The following CACNA1D variants were observed in gnomAD, a reference collection of about 807,000 sequenced individuals.
CACNA1D encodes the protein calcium voltage-gated channel subunit alpha1 D, also known as voltage-dependent L-type calcium channel subunit alpha-1D.
CACNA1D carries 55 observed loss-of-function variants against 257.1 expected under a neutral mutation model. The ratio of observed to expected loss-of-function variants is 0.21; its 90% CI spans 0.17 to 0.27. The LOEUF (loss-of-function observed/expected upper bound fraction) is 0.27. CACNA1D is among the 10% of genes least tolerant of loss of function. The probability of loss-of-function intolerance (pLI) is 1.00; values close to 1 mark genes in which losing one functional copy is unlikely to be tolerated. For synonymous variants in CACNA1D, 980 were observed against 1,014.9 expected (o/e 0.97, Z 0.65); for missense variants, 1,876 against 2,784.0 (o/e 0.67, Z 7.34).
intron 43 of CACNA1D, among the ~76,000 whole-genome samples, chr3:53,803,081 T>G (rs2095544164): frequency 6.6e-6 from 1 of 152,162 alleles, no homozygotes; most frequent in African/African-American, 2.4e-5. Context: ...GCAGATGCCC[T>G]GGGAACCCAG....
chr3:53,811,244 T>C lies in CACNA1D; in HGVS notation c.6324T>C (p.Asn2108=). Residue 2108 remains asparagine, a synonymous_variant, in exon 48 of 48, where the codon AAT becomes AAC. Coordinates refer to ENST00000350061, the MANE Select transcript of CACNA1D (RefSeq NM_001128840.3). This position sits in a 1 kb window ranked among gnomAD's most constrained non-coding sequence, Gnocchi z 4.2. ...EMESAASTLL[N]GNVRPRANGD... is the part of the protein sequence containing the mutation. ...AGAGTGCAGCCAGCACCCTGCTTAA[T>C]GGGAACGTGCGTCCCCGAGCCAACG... The C allele has an allele frequency of 6.2e-7, 1 of 1,614,040 alleles. No homozygotes were observed.
At chr3:53,527,081 T>A (rs1359067665) in intron 3 of CACNA1D, among the ~76,000 whole-genome samples, 1 of 152,236 alleles carries the variant, frequency 6.6e-6, no homozygotes, top group East Asian at 1.9e-4. Flanking sequence ...CACCAAGTAC[T>A]TTCGTGTCCA....
chr3:53,499,248 T>C (rs1033276716), intron 2 of CACNA1D, among the ~76,000 whole-genome samples: 1 of 152,190 alleles, frequency 6.6e-6, no homozygotes, highest in African/African-American at 2.4e-5. Flanking sequence ...GGCTGCCAAT[T>C]CAGGGAGAAG....
chr3:53,539,430 C>T (rs1022253537), intron 3 of CACNA1D, among the ~76,000 whole-genome samples: 1 of 152,068 alleles, frequency 6.6e-6, no homozygotes. Context: ...TTATATCTTG[C>T]TTCTTTCATT....
intron 8 of CACNA1D, among the ~76,000 whole-genome samples, chr3:53,701,462 C>G (rs1576396461): frequency 6.6e-6 from 1 of 152,112 alleles, no homozygotes; most frequent in South Asian, 2.1e-4. Flanking sequence ...AGGTCACTTC[C>G]CCATTCGTGG....
At chr3:53,691,203 G>T (rs537688620) in intron 8 of CACNA1D, among the ~76,000 whole-genome samples, 1 of 150,592 alleles carries the variant, frequency 6.6e-6, no homozygotes, top group Non-Finnish European at 1.5e-5. Context: ...ACAATGGCGC[G>T]ATCTCAGCTC....
chr3:53,512,818 G>T (rs796319956), intron 3 of CACNA1D, among the ~76,000 whole-genome samples: 1 of 152,304 alleles, frequency 6.6e-6, no homozygotes, highest in South Asian at 2.1e-4. Context: ...TGTAGTATTA[G>T]GTCGGTGCAA....
chr3:53,672,424 T>C (rs2094331502), intron 7 of CACNA1D, among the ~76,000 whole-genome samples: 1 of 152,206 alleles, frequency 6.6e-6, no homozygotes, highest in African/African-American at 2.4e-5. Flanking sequence ...TTGCAGATAA[T>C]CCAGATCTAA....
intron 46 of CACNA1D, chr3:53,809,630 G>A (rs538753250): frequency 1.7e-5 from 6 of 356,578 alleles, no homozygotes; most frequent in African/African-American, 1.0e-4. Flanking sequence ...AATGTACTTC[G>A]GTATTTAAAC....
At chr3:53,590,081 C>G (rs1380797868) in intron 3 of CACNA1D, among the ~76,000 whole-genome samples, 1 of 152,244 alleles carries the variant, frequency 6.6e-6, no homozygotes, top group Non-Finnish European at 1.5e-5. Flanking sequence ...TTCATCACTT[C>G]TGTGCAGGAC....
chr3:53,631,226 G>T (rs2093819792), intron 3 of CACNA1D, among the ~76,000 whole-genome samples: 1 of 152,200 alleles, frequency 6.6e-6, no homozygotes, highest in Non-Finnish European at 1.5e-5. Context: ...CAAAATTGGA[G>T]TCAATCCTCT....
At chr3:53,548,605 T>G (rs1410581879) in intron 3 of CACNA1D, among the ~76,000 whole-genome samples, 1 of 152,088 alleles carries the variant, frequency 6.6e-6, no homozygotes, top group African/African-American at 2.4e-5. Flanking sequence ...TCTTCTTTCT[T>G]TTCCTGTCCC....
Position 53,516,156 on chromosome 3 carries a change from A to G in CACNA1D, c.483+14436A>G, listed in dbSNP as rs2091324815. Among the ~76,000 whole-genome samples the G allele has an allele frequency of 2.6e-5, 4 of 152,212 alleles. No homozygotes were observed. In the South Asian group the frequency reaches 8.3e-4, roughly 32 times the overall value. On this transcript the variant is annotated intron_variant, in intron 3 of 47. Coordinates refer to ENST00000350061, the MANE Select transcript of CACNA1D (RefSeq NM_001128840.3). ...ACAAATAATGTGCGAGGGAGCTCTC[A>G]TTTACCAGAAGGCATTAGTTAACTG... is the stretch of plus-strand genomic sequence containing the variant.
chr3:53,554,346 A>G (rs2092598935), intron 3 of CACNA1D, among the ~76,000 whole-genome samples: 1 of 152,220 alleles, frequency 6.6e-6, no homozygotes, highest in South Asian at 2.1e-4. Flanking sequence ...ACAAAAATAG[A>G]AATTGTGTCA....
chr3:53,677,066 A>C (rs1455698175), intron 8 of CACNA1D, among the ~76,000 whole-genome samples: 1 of 152,184 alleles, frequency 6.6e-6, no homozygotes, highest in Non-Finnish European at 1.5e-5. Context: ...TTCACTTTTC[A>C]AATTGTTAAT....
chr3:53,750,666 C>G (rs3821862), intron 27 of CACNA1D, among the ~76,000 whole-genome samples: 1 of 152,170 alleles, frequency 6.6e-6, no homozygotes, highest in Non-Finnish European at 1.5e-5. Flanking sequence ...CAAGGCCAGG[C>G]CAGCCACGCA....
chr3:53,802,684 A>C (rs2095542257), intron 43 of CACNA1D, among the ~76,000 whole-genome samples: 1 of 152,232 alleles, frequency 6.6e-6, no homozygotes, highest in Non-Finnish European at 1.5e-5. Context: ...TTGGGGGCCA[A>C]GGGAGGATGG....
intron 8 of CACNA1D, among the ~76,000 whole-genome samples, chr3:53,701,933 G>A (rs2094629692): frequency 6.6e-6 from 1 of 152,176 alleles, no homozygotes. Flanking sequence ...CCTCCTGCAG[G>A]GAAGACTTTT....
Position 53,718,403 on chromosome 3 carries a change from C to A in CACNA1D, c.1478+15C>A. ...GGAAGTCTCTGGTGAGTGTGGGGAG[C>A]ACTTGCCCTCTTTCCCCTCCTGTTG... On this transcript the variant is annotated intron_variant, in intron 10 of 47. Transcript: ENST00000350061. The A allele has an allele frequency of 6.2e-7, 1 of 1,608,022 alleles. No individual in the cohort carries two copies. Among genetic ancestry groups the A allele is most frequent in the Non-Finnish European group, 8.5e-7 (1 of 1,174,478 alleles).
Sources: gnomAD v4.1 joint callset for allele counts (sites outside exome capture counted in the v4.1 genomes callset) on GRCh38, gnomAD v4.1.1 for gene constraint, Gnocchi (gnomAD v3.1) non-coding constraint, MANE v1.5 for transcripts, NCBI Gene and HGNC (gene_info 2026-07-23, HGNC 2026-07-21) for gene names.